The following GRIA1 variants were observed in gnomAD, a reference collection of about 807,000 sequenced individuals.
GRIA1 encodes glutamate ionotropic receptor AMPA type subunit 1, also known as glutamate receptor 1.
Under a neutral mutation model 99.2 loss-of-function variants are expected in GRIA1, and 31 were observed. The observed-to-expected ratio is 0.31, with a 90% CI of 0.23 to 0.42. GRIA1 has a LOEUF of 0.42. Ranked by LOEUF, GRIA1 falls within the 10% of genes least tolerant of loss-of-function variation. The probability of loss-of-function intolerance (pLI) is 1.00; values close to 1 mark genes in which losing one functional copy is unlikely to be tolerated. For synonymous variants in GRIA1, 438 were observed against 432.4 expected, an observed-to-expected ratio of 1.01 and a Z score of -0.16; for missense variants, 782 against 1,157.5, an observed-to-expected ratio of 0.68 and a Z score of 4.71.
chr5:153,560,907 A>G (rs993950596), intron 2 of GRIA1, among the ~76,000 whole-genome samples: 2 of 152,248 alleles, frequency 1.3e-5, no homozygotes. Flanking sequence ...TGGAAAGGAC[A>G]GAGTCACAAG....
At chr5:153,626,185 G>A (rs950588728) in intron 2 of GRIA1, among the ~76,000 whole-genome samples, 1 of 152,196 alleles carries the variant, frequency 6.6e-6, no homozygotes, top group Admixed American at 6.5e-5. Context: ...AATAAGAATA[G>A]ATTTTAAATG....
intron 2 of GRIA1, among the ~76,000 whole-genome samples, chr5:153,518,469 A>T (rs769858396): frequency 3.3e-5 from 5 of 152,150 alleles, no homozygotes; most frequent in Non-Finnish European, 7.3e-5. Context: ...CCTGGATTTG[A>T]GCTCAGCCCT....
chr5:153,803,795 C>G (rs1368095417), intron 15 of GRIA1, among the ~76,000 whole-genome samples: 1 of 152,192 alleles, frequency 6.6e-6, no homozygotes, highest in Non-Finnish European at 1.5e-5. Flanking sequence ...TATGCCCACT[C>G]TTGGATCCAT....
Position 153,794,755 on chromosome 5 carries a change from A to G in GRIA1, c.2385+20A>G, listed in dbSNP as rs757435728. On this transcript the variant is annotated intron_variant, in intron 14 of 15. Transcript: ENST00000285900. ...TCCAAGGTCAGCCCCAGTAAGAAAAAAAAAAACCTAGTGGGTATGAAATAG... is the reference window on the plus strand; with the variant it reads ...TCCAAGGTCAGCCCCAGTAAGAAAAGAAAAAACCTAGTGGGTATGAAATAG... 2.7e-6 allele frequency: 4 copies of G among 1,472,490 alleles called. No homozygotes were observed. The highest frequency in any genetic ancestry group is 3.8e-6 in the Non-Finnish European group (4 of 1,058,180). The allele number at this position is 1,472,490 out of a possible 1,614,324, so 91.2% of individuals were successfully genotyped here.
rs146856477 is a variant in GRIA1, at chr5:153,588,567, T to C, written c.221-58361T>C. On this transcript the variant is annotated intron_variant, in intron 2 of 15. Coordinates refer to ENST00000285900, the MANE Select transcript of GRIA1 (RefSeq NM_000827.4). ...GTCAAATAGCTGATGTAAATCTTGT[T>C]TCTTCCATTTTCTGCCTTTGTGACC... Among the ~76,000 whole-genome samples the C allele has an allele frequency of 4.6e-3, 699 of 152,346 alleles. 7 individuals are homozygous for C. The highest frequency in any genetic ancestry group is 0.016 in the African/African-American group (647 of 41,580).
chr5:153,780,081 T>C (rs1764536953), intron 13 of GRIA1, among the ~76,000 whole-genome samples: 1 of 152,356 alleles, frequency 6.6e-6, no homozygotes, highest in South Asian at 2.1e-4. Flanking sequence ...ACAAATTGCA[T>C]GTTGCTTTCT....
At position 153,552,044 on chromosome 5, in the gene GRIA1, C is replaced by T. The variant is rs189798976; in HGVS notation, c.220+57979C>T. On this transcript the variant is annotated intron_variant, in intron 2 of 15. Coordinates refer to ENST00000285900, the MANE Select transcript of GRIA1 (RefSeq NM_000827.4). ...TGCCAGTGTTTTGTGGGGTGAGGCTCAGACTCTTTCTATGGGTAGATCTGT... is the reference window on the plus strand; with the variant it reads ...TGCCAGTGTTTTGTGGGGTGAGGCTTAGACTCTTTCTATGGGTAGATCTGT... Among the ~76,000 whole-genome samples, 53 of 152,220 alleles carry T rather than the reference C, an allele frequency of 3.5e-4. No homozygotes were observed. In the East Asian group the frequency reaches 7.9e-3, roughly 23 times the overall value.
intron 15 of GRIA1, among the ~76,000 whole-genome samples, chr5:153,807,837 A>T (rs1581690879): frequency 6.6e-6 from 1 of 152,178 alleles, no homozygotes; most frequent in South Asian, 2.1e-4. Context: ...ATTATTCACC[A>T]CCTCATTCCC....
intron 2 of GRIA1, among the ~76,000 whole-genome samples, chr5:153,534,933 GTTTTA>G (rs200730614): frequency 0.065 from 7,187 of 111,396 alleles, 233 homozygotes; most frequent in Non-Finnish European, 0.092. Flanking sequence ...GTTTTGTTTT[GTTTTA>G]TTTTTGAGGT....
At chr5:153,806,501 G>C (rs977387912) in intron 15 of GRIA1, among the ~76,000 whole-genome samples, 3 of 152,194 alleles carry the variant, frequency 2.0e-5, no homozygotes, top group Admixed American at 6.5e-5. Flanking sequence ...TCCTGACTTC[G>C]TGATCCACTG....
intron 11 of GRIA1, among the ~76,000 whole-genome samples, chr5:153,744,928 T>C (rs4958675): frequency 0.59 from 90,075 of 152,050 alleles, 27,404 homozygotes; most frequent in East Asian, 0.94. Context: ...GAAGCAGCAG[T>C]CAGGCAGGCT....
intron 2 of GRIA1, among the ~76,000 whole-genome samples, chr5:153,639,882 A>G (rs757895041): frequency 3.3e-5 from 5 of 152,224 alleles, no homozygotes; most frequent in Non-Finnish European, 5.9e-5. Context: ...CAAAAGTTCT[A>G]TTACAGGTAC....
rs766449739 is a variant in GRIA1, at chr5:153,650,433, C to G, written c.564C>G (p.Leu188=). 10 of 1,613,872 alleles carry G rather than the reference C, an allele frequency of 6.2e-6. No individual in the cohort carries two copies. Among genetic ancestry groups the G allele is most frequent in the South Asian group, 5.5e-5 (5 of 91,078 alleles). The stretch of plus-strand genomic sequence containing the variant: ...CCACAGAGGAGGGATACCGGATGCT[C>G]TTTCAGGACCTGGAGAAGAAAAAGG... ...LTTTEEGYRM[L]FQDLEKKKER... The change falls in exon 4 of 16, where the codon CTC becomes CTG. Residue 188 remains leucine, a synonymous_variant. Coordinates refer to ENST00000285900, the MANE Select transcript of GRIA1 (RefSeq NM_000827.4).
chr5:153,788,393 T>C (rs1489820690), intron 13 of GRIA1, among the ~76,000 whole-genome samples: 1 of 152,174 alleles, frequency 6.6e-6, no homozygotes, highest in Non-Finnish European at 1.5e-5. Context: ...CTCCCTGCAT[T>C]GGGAGAACTT....
chr5:153,741,132 A>G (rs1389913313), intron 11 of GRIA1, among the ~76,000 whole-genome samples: 1 of 151,336 alleles, frequency 6.6e-6, no homozygotes, highest in Non-Finnish European at 1.5e-5. Flanking sequence ...ACCTGCCACC[A>G]CTCCTGGCTA....
At chr5:153,635,507 C>A (rs938014203) in intron 2 of GRIA1, among the ~76,000 whole-genome samples, 1 of 152,228 alleles carries the variant, frequency 6.6e-6, no homozygotes, top group Non-Finnish European at 1.5e-5. Flanking sequence ...CCTACCAGGG[C>A]TCTTTAGTGA....
At chr5:153,622,569 G>A (rs1200554496) in intron 2 of GRIA1, among the ~76,000 whole-genome samples, 4 of 146,648 alleles carry the variant, frequency 2.7e-5, no homozygotes, top group Non-Finnish European at 4.6e-5. Context: ...GAAAGAAATA[G>A]CAATGTAAAG....
chr5:153,726,424 A>G (rs1299075489), intron 11 of GRIA1, among the ~76,000 whole-genome samples: 1 of 148,736 alleles, frequency 6.7e-6, no homozygotes, highest in East Asian at 2.0e-4. Flanking sequence ...GACACAAAAA[A>G]CCCTTCAAAA....
intron 15 of GRIA1, among the ~76,000 whole-genome samples, chr5:153,807,456 G>T (rs1287669149): frequency 6.6e-6 from 1 of 152,210 alleles, no homozygotes; most frequent in African/African-American, 2.4e-5. Flanking sequence ...AGTCAGAGCA[G>T]CTTCCCTGAG....
Sources: allele counts gnomAD v4.1 joint callset (sites outside exome capture counted in the v4.1 genomes callset), GRCh38; gene constraint gnomAD v4.1.1; transcripts MANE v1.5; gene names NCBI Gene and HGNC (gene_info 2026-07-23, HGNC 2026-07-21).